WDPCP: variants seen among roughly 807,000 people sequenced by gnomAD.
WDPCP encodes the protein WD repeat containing planar cell polarity effector.
In WDPCP, 71 loss-of-function variants were observed where a neutral mutation model predicts 93.1. That is an observed-to-expected ratio of 0.76 (90% CI 0.63 to 0.93). The LOEUF (loss-of-function observed/expected upper bound fraction) is 0.93. Among genes scored for constraint, WDPCP ranks in the 40% least tolerant of loss-of-function variants. WDPCP has a pLI of 0.00. For missense variants in WDPCP, 844 were observed against 887.4 expected (o/e 0.95, Z 0.62); for synonymous variants, 315 against 315.0 (o/e 1.00, Z 0.00).
At chr2:63,362,399 T>C (rs2104677566) in intron 12 of WDPCP, among the ~76,000 whole-genome samples, 1 of 151,624 alleles carries the variant, frequency 6.6e-6, no homozygotes, top group African/African-American at 2.4e-5. Flanking sequence ...TCAGAGTGAC[T>C]AGAAAATTTG....
chr2:63,653,685 T>C (rs1190986885), intron 2 of WDPCP, among the ~76,000 whole-genome samples: 2 of 152,078 alleles, frequency 1.3e-5, no homozygotes, highest in Non-Finnish European at 2.9e-5. Flanking sequence ...CTGAGGTAGG[T>C]GGATCACTTG....
chr2:63,408,539 C>G (rs931687219), intron 9 of WDPCP, among the ~76,000 whole-genome samples: 1 of 152,152 alleles, frequency 6.6e-6, no homozygotes. Context: ...AAGGAAATCT[C>G]TAGCTGAACT....
chr2:63,825,119 A>G (rs572155174), intron 1 of WDPCP, among the ~76,000 whole-genome samples: 10 of 152,264 alleles, frequency 6.6e-5, no homozygotes, highest in Non-Finnish European at 1.5e-4. Flanking sequence ...ACATTTGAAA[A>G]AATTTCAGTC....
At chr2:63,774,305 G>A (rs192300856) in intron 2 of WDPCP, among the ~76,000 whole-genome samples, 87 of 152,166 alleles carry the variant, frequency 5.7e-4, no homozygotes, top group African/African-American at 1.9e-3. Context: ...GTAAAATGAA[G>A]GCATAGCTGC....
chr2:63,283,156 T>C (rs1173516636), intron 13 of WDPCP, among the ~76,000 whole-genome samples: 2 of 152,222 alleles, frequency 1.3e-5, no homozygotes, highest in Non-Finnish European at 2.9e-5. Context: ...CTTTAAAATA[T>C]AAATGTTTTT....
intron 1 of WDPCP, among the ~76,000 whole-genome samples, chr2:63,570,768 T>C (rs1236289590): frequency 6.6e-6 from 1 of 152,246 alleles, no homozygotes; most frequent in African/African-American, 2.4e-5. Flanking sequence ...TGCCATATGC[T>C]AGTCATGAAG....
chr2:63,301,592 G>A (rs1005566714), intron 13 of WDPCP, among the ~76,000 whole-genome samples: 3 of 152,164 alleles, frequency 2.0e-5, no homozygotes, highest in Admixed American at 1.3e-4. Flanking sequence ...GAGAACTAGA[G>A]CCACTTGGGT....
At chr2:63,284,631 G>A (rs1242380178) in intron 13 of WDPCP, among the ~76,000 whole-genome samples, 1 of 152,124 alleles carries the variant, frequency 6.6e-6, no homozygotes, top group Non-Finnish European at 1.5e-5. Flanking sequence ...AACTAAGATG[G>A]CTACTAAGTG....
At chr2:63,229,855 A>T in intron 14 of WDPCP, 1 of 155,632 alleles carries the variant, frequency 6.4e-6, no homozygotes, top group Non-Finnish European at 1.4e-5. Context: ...TGTAGTTTGA[A>T]GTCAGGTAGC....
intron 1 of WDPCP, among the ~76,000 whole-genome samples, chr2:63,585,964 C>T (rs1457298966): frequency 2.0e-5 from 3 of 151,014 alleles, no homozygotes; most frequent in Admixed American, 2.0e-4. Flanking sequence ...GGAGCTGGGA[C>T]TACAGGTGCA....
chr2:63,209,861 G>A (rs918024133), intron 14 of WDPCP, among the ~76,000 whole-genome samples: 14 of 152,068 alleles, frequency 9.2e-5, no homozygotes, highest in African/African-American at 1.2e-4. Flanking sequence ...GACATATAGC[G>A]TTCCAAAATA....
rs142670088 is a variant in WDPCP at position 63,395,270 on chromosome 2, CA to C, written c.1435+8777del. 9.8e-3 allele frequency among the ~76,000 whole-genome samples: 1,486 copies of C among 152,188 alleles called. 20 individuals carry two copies. The highest frequency in any genetic ancestry group is 0.035 in the African/African-American group (1,442 of 41,522). On this transcript the variant is annotated intron_variant, in intron 10 of 17. Transcript: ENST00000272321. The stretch of plus-strand genomic sequence containing the variant: ...TTTTATAGATTTAGGGATACAAGTG[CA>C]GTTGTGTTACATAGACATATTGCAT...
At chr2:63,816,052 T>C (rs930662166) in intron 1 of WDPCP, among the ~76,000 whole-genome samples, 4 of 152,214 alleles carry the variant, frequency 2.6e-5, no homozygotes, top group African/African-American at 7.2e-5. Context: ...ATGTTTTCAG[T>C]TGTACAAAAT....
intron 1 of WDPCP, among the ~76,000 whole-genome samples, chr2:63,501,105 A>G (rs1031664765): frequency 6.6e-6 from 1 of 152,228 alleles, no homozygotes; most frequent in Non-Finnish European, 1.5e-5. Context: ...GCAAGTATTC[A>G]ATAAATACCA....
At chr2:63,735,533 T>C (rs1352590625) in intron 2 of WDPCP, among the ~76,000 whole-genome samples, 2 of 152,152 alleles carry the variant, frequency 1.3e-5, no homozygotes, top group Non-Finnish European at 2.9e-5. Context: ...ATATTTTATA[T>C]TGTAGCCAAC....
chr2:63,390,902 C>G (rs1269155911), intron 10 of WDPCP, among the ~76,000 whole-genome samples: 1 of 152,102 alleles, frequency 6.6e-6, no homozygotes, highest in Non-Finnish European at 1.5e-5. Flanking sequence ...TAATTAATAG[C>G]CTACCAACCA....
chr2:63,283,775 G>A (rs1021508924), intron 13 of WDPCP, among the ~76,000 whole-genome samples: 2 of 152,136 alleles, frequency 1.3e-5, no homozygotes, highest in South Asian at 2.1e-4. Context: ...CTGTAATTCC[G>A]TATCACTGGC....
At position 63,588,182 on chromosome 2, in the gene WDPCP, C is replaced by T. The variant is rs752223053; in HGVS notation, c.75+15G>A. On this transcript the variant is annotated intron_variant, in intron 1 of 17. Transcript: ENST00000272321. ...AGGTTAAAAGAAAACCCCTTGCCCT[C>T]GGGCCAGGGCTCACCTGTCTCGGGA... The T allele has an allele frequency of 2.1e-5, 33 of 1,558,896 alleles. No individual in the cohort carries two copies. The highest frequency in any genetic ancestry group is 2.4e-5 in the Non-Finnish European group (28 of 1,149,884).
In WDPCP at chr2:63,138,473, A is replaced by C. The variant is rs1459486394; in HGVS notation, c.2190+14441T>G. On this transcript the variant is annotated intron_variant, in intron 17 of 17. Transcript: ENST00000272321. ...TAAGTTCTTTTTTTTTTTTTTTTTG[A>C]GACGGAGTCTCGCTGTTGCCCAGGC... 4.8e-5 allele frequency among the ~76,000 whole-genome samples: 6 copies of C among 125,994 alleles called. No homozygotes were observed. The Admixed American group carries it at 5.2e-4, about 11-fold the overall frequency. 82.7% of individuals were successfully genotyped at this position (125,994 alleles called of 152,430 possible). A position where few individuals can be genotyped will look rare whatever the true frequency, so the allele number is the denominator to read the frequency against.
Sources: allele counts gnomAD v4.1 joint callset (sites outside exome capture counted in the v4.1 genomes callset), GRCh38; gene constraint gnomAD v4.1.1; transcripts MANE v1.5; gene names NCBI Gene and HGNC (gene_info 2026-07-23, HGNC 2026-07-21).